CCDC169: variants seen among roughly 807,000 people sequenced by gnomAD.
CCDC169 encodes the protein coiled-coil domain-containing protein 169.
Under a neutral mutation model 36.0 loss-of-function variants are expected in CCDC169, and 30 were observed. The observed-to-expected ratio is 0.83, with a 90% CI of 0.62 to 1.13. CCDC169 has a LOEUF of 1.13. Among genes scored for constraint, CCDC169 ranks in the 50% most tolerant of loss-of-function variants. The pLI is 0.00. For missense variants in CCDC169, 245 were observed against 245.9 expected, an observed-to-expected ratio of 1.00 and a Z score of 0.03; for synonymous variants, 85 against 81.5, an observed-to-expected ratio of 1.04 and a Z score of -0.23.
intron 4 of CCDC169, among the ~76,000 whole-genome samples, chr13:36,281,889 A>G (rs1352576294): frequency 6.6e-6 from 1 of 152,152 alleles, no homozygotes; most frequent in East Asian, 1.9e-4. Flanking sequence ...TGAATGGTAA[A>G]TTTTAAGTTA....
chr13:36,295,758 A>G lies in CCDC169; in HGVS notation c.163+20T>C, dbSNP rs1879403620. On this transcript the variant is annotated intron_variant, in intron 2 of 7. Transcript: ENST00000239859. ...CAATAATTATACAGGAGTCACAAATATAAGTATTTACTTATATACCTTCAT... is the reference window on the plus strand; with the variant it reads ...CAATAATTATACAGGAGTCACAAATGTAAGTATTTACTTATATACCTTCAT... 3.8e-6 allele frequency: 5 copies of G among 1,303,378 alleles called. No individual in the cohort carries two copies. The highest frequency in any genetic ancestry group is 5.4e-6 in the Non-Finnish European group (5 of 932,478). 80.7% of individuals were successfully genotyped at this position (1,303,378 alleles called of 1,614,324 possible). A position where few individuals can be genotyped will look rare whatever the true frequency, so the allele number is the denominator to read the frequency against.
chr13:36,295,775 T>A lies in CCDC169; in HGVS notation c.163+3A>T, dbSNP rs1879406215. 6.8e-7 allele frequency: 1 copy of A among 1,476,066 alleles called. No individual in the cohort carries two copies. 91.4% of individuals were successfully genotyped at this position (1,476,066 alleles called of 1,614,324 possible). A position where few individuals can be genotyped will look rare whatever the true frequency, so the allele number is the denominator to read the frequency against. ...TCACAAATATAAGTATTTACTTATA[T>A]ACCTTCATTGTCAGTATTGAGTTTG... On this transcript the variant is annotated splice_donor_region_variant and intron_variant, in intron 2 of 7. Coordinates refer to ENST00000239859, the MANE Select transcript of CCDC169 (RefSeq NM_001144981.3).
chr13:36,226,468 A>T (rs573607679), downstream of CCDC169: 1 of 152,402 alleles, frequency 6.6e-6, no homozygotes, highest in East Asian at 1.9e-4. Flanking sequence ...CTGATCTGAC[A>T]GGAGGTGGAG....
At chr13:36,281,243 C>A (rs888867631) in intron 4 of CCDC169, 8 of 449,990 alleles carry the variant, frequency 1.8e-5, no homozygotes, top group East Asian at 7.2e-5. Context: ...CACCCCTGGA[C>A]TGCAAACCTC....
chr13:36,283,716 G>T lies in CCDC169; in HGVS notation c.164-14C>A. The T allele has an allele frequency of 6.5e-7, 1 of 1,532,264 alleles. No individual in the cohort carries two copies. Among genetic ancestry groups the T allele is most frequent in the Non-Finnish European group, 8.8e-7 (1 of 1,131,442 alleles). The allele number at this position is 1,532,264 out of a possible 1,614,324, so 94.9% of individuals were successfully genotyped here. On this transcript the variant is annotated splice_polypyrimidine_tract_variant and intron_variant, in intron 2 of 7. Transcript: ENST00000239859. The stretch of plus-strand genomic sequence containing the variant: ...TCCATTCACTACCTGAGTAAAAACA[G>T]GGAGAAACAATCAAGATCACCCCAC...
At chr13:36,256,249 A>G (rs1206240446) in intron 4 of CCDC169, among the ~76,000 whole-genome samples, 2 of 152,088 alleles carry the variant, frequency 1.3e-5, no homozygotes, top group Non-Finnish European at 2.9e-5. Flanking sequence ...TTCTCAGCTC[A>G]CTGTTTTAGT....
intron 7 of CCDC169, among the ~76,000 whole-genome samples, chr13:36,236,088 A>T (rs1871044565): frequency 6.6e-6 from 1 of 152,038 alleles, no homozygotes; most frequent in African/African-American, 2.4e-5. Flanking sequence ...AAAGTGATCT[A>T]CAGATTCAAC....
At chr13:36,287,912 C>G (rs1878436425) in intron 2 of CCDC169, among the ~76,000 whole-genome samples, 1 of 152,092 alleles carries the variant, frequency 6.6e-6, no homozygotes, top group African/African-American at 2.4e-5. Flanking sequence ...TCAGAGTCAT[C>G]AGCAAATACA....
rs1870381452 is a variant in CCDC169 at position 36,231,184 on chromosome 13, G to T, written c.*9C>A. The T allele has an allele frequency of 1.9e-6, 3 of 1,550,198 alleles. No homozygotes were observed. The highest frequency in any genetic ancestry group is 2.6e-6 in the Non-Finnish European group (3 of 1,146,276). On this transcript the variant is annotated 3_prime_UTR_variant, in exon 8 of 8. Coordinates refer to ENST00000239859, the MANE Select transcript of CCDC169 (RefSeq NM_001144981.3). ...AAAGGAAGAAATAGAAATCCATCCA[G>T]TTCTGGAATCATGGATGGAGTTCTG...
intron 1 of CCDC169, among the ~76,000 whole-genome samples, chr13:36,297,320 CTGGAT>C (rs1009543822): frequency 3.3e-5 from 5 of 151,994 alleles, no homozygotes; most frequent in African/African-American, 1.2e-4. Flanking sequence ...AGCAGAAAAC[CTGGAT>C]TTATGGAGAC....
chr13:36,234,147 A>C (rs1394012948), intron 7 of CCDC169, among the ~76,000 whole-genome samples: 1 of 152,168 alleles, frequency 6.6e-6, no homozygotes, highest in Non-Finnish European at 1.5e-5. Flanking sequence ...TGTAACCTCA[A>C]AATGGTATAT....
intron 4 of CCDC169, among the ~76,000 whole-genome samples, chr13:36,270,562 T>C (rs1373998846): frequency 6.6e-6 from 1 of 152,042 alleles, no homozygotes; most frequent in Non-Finnish European, 1.5e-5. Flanking sequence ...GGTACTGGTA[T>C]AAAAAACAGG....
chr13:36,260,838 A>T (rs1007642775), intron 4 of CCDC169, among the ~76,000 whole-genome samples: 1 of 152,156 alleles, frequency 6.6e-6, no homozygotes, highest in Non-Finnish European at 1.5e-5. Flanking sequence ...GCTACTTTTC[A>T]TAAGAGCCTC....
chr13:36,284,324 C>T (rs1223634951), intron 2 of CCDC169, among the ~76,000 whole-genome samples: 1 of 152,082 alleles, frequency 6.6e-6, no homozygotes, highest in African/African-American at 2.4e-5. Flanking sequence ...GCTTCACATA[C>T]ATTAAGTAAT....
chr13:36,291,915 G>A (rs1878942210), intron 2 of CCDC169, among the ~76,000 whole-genome samples: 1 of 151,452 alleles, frequency 6.6e-6, no homozygotes, highest in Admixed American at 6.6e-5. Context: ...TTTGGGCATA[G>A]AAACCAGCCT....
At chr13:36,243,580 G>A (rs1256220095) in intron 7 of CCDC169, among the ~76,000 whole-genome samples, 2 of 152,072 alleles carry the variant, frequency 1.3e-5, no homozygotes, top group South Asian at 4.1e-4. Flanking sequence ...GCCAAGGCAG[G>A]CGGATCACCT....
chr13:36,286,798 G>T (rs1002271381), intron 2 of CCDC169, among the ~76,000 whole-genome samples: 1 of 152,114 alleles, frequency 6.6e-6, no homozygotes, highest in African/African-American at 2.4e-5. Flanking sequence ...CTAGGGTGCT[G>T]AGGCTCTCCC....
In CCDC169 at chr13:36,231,898, A is replaced by G. The variant is rs1016757030; in HGVS notation, c.546-606T>C. On this transcript the variant is annotated intron_variant, in intron 7 of 7. Transcript: ENST00000239859. Reference sequence around the variant, plus strand: ...TTTGTTTTGAAAACTGGATGTTTTAAAATATGTAACATGTAAGAACTTGTC... The same window carrying G: ...TTTGTTTTGAAAACTGGATGTTTTAGAATATGTAACATGTAAGAACTTGTC... Among the ~76,000 whole-genome samples the G allele has an allele frequency of 7.9e-5, 12 of 152,174 alleles. 1 individual carries two copies. The highest frequency in any genetic ancestry group is 1.6e-4 in the Non-Finnish European group (11 of 68,032).
At chr13:36,256,704 A>T (rs1229494761) in intron 4 of CCDC169, among the ~76,000 whole-genome samples, 2 of 152,128 alleles carry the variant, frequency 1.3e-5, no homozygotes, top group Non-Finnish European at 2.9e-5. Context: ...GGGTGATATG[A>T]GGCCCCCACC....
Sources: allele counts gnomAD v4.1 joint callset (sites outside exome capture counted in the v4.1 genomes callset), GRCh38; gene constraint gnomAD v4.1.1; transcripts MANE v1.5; gene names NCBI Gene and HGNC (gene_info 2026-07-23, HGNC 2026-07-21).